The following PDGFD variants were observed in gnomAD, a reference collection of about 807,000 sequenced individuals.
The protein encoded by PDGFD is platelet derived growth factor D.
PDGFD carries 30 observed loss-of-function variants against 44.7 expected under a neutral mutation model. The observed-to-expected ratio is 0.67, with a 90% confidence interval of 0.50 to 0.91. The LOEUF is 0.91. PDGFD is among the 40% of genes least tolerant of loss of function. The pLI, the probability that PDGFD is intolerant of heterozygous loss-of-function variation, is 0.00. For missense variants in PDGFD, 445 were observed against 457.8 expected, an observed-to-expected ratio of 0.97 and a Z score of 0.25; for synonymous variants, 173 against 168.4, an observed-to-expected ratio of 1.03 and a Z score of -0.21.
intron 3 of PDGFD, among the ~76,000 whole-genome samples, chr11:103,966,724 T>C (rs1027946002): frequency 2.6e-5 from 4 of 152,224 alleles, no homozygotes; most frequent in Non-Finnish European, 4.4e-5. Flanking sequence ...GCCCAAAATC[T>C]ATTAAGTAGA....
At chr11:104,055,397 T>C (rs1860603778) in intron 1 of PDGFD, among the ~76,000 whole-genome samples, 1 of 152,184 alleles carries the variant, frequency 6.6e-6, no homozygotes, top group Non-Finnish European at 1.5e-5. Flanking sequence ...CTTAACTTCT[T>C]GGTAACTTTG....
rs541251804 is a variant in PDGFD, at chr11:104,162,643, C to T, written c.124+1161G>A. 2.0e-5 allele frequency among the ~76,000 whole-genome samples: 3 copies of T among 152,188 alleles called. No individual in the cohort carries two copies. The South Asian group carries it at 6.2e-4, about 32-fold the overall frequency. On this transcript the variant is annotated intron_variant, in intron 1 of 6. Transcript: ENST00000393158. ...CTGATATCCATAGTCTACTCATCAT[C>T]AGATAACATAATGAAATTTTGGTTT...
chr11:103,966,536 A>G (rs1361312676), intron 3 of PDGFD, among the ~76,000 whole-genome samples: 1 of 152,222 alleles, frequency 6.6e-6, no homozygotes, highest in African/African-American at 2.4e-5. Flanking sequence ...TCTGCTCTCA[A>G]GAGAGCGCTG....
chr11:104,164,002 C>CCCTGCGCTCTCGCCG lies in PDGFD; in HGVS notation c.-90_-76dup. 7.0e-7 allele frequency: 1 copy of CCCTGCGCTCTCGCCG among 1,435,544 alleles called. No homozygotes were observed. The highest frequency in any genetic ancestry group is 9.3e-7 in the Non-Finnish European group (1 of 1,078,228). The allele number at this position is 1,435,544 out of a possible 1,614,324, so 88.9% of individuals were successfully genotyped here. A position where few individuals can be genotyped will look rare whatever the true frequency, so the allele number is the denominator to read the frequency against. On this transcript the variant is annotated 5_prime_UTR_variant, in exon 1 of 7. Coordinates refer to ENST00000393158, the MANE Select transcript of PDGFD (RefSeq NM_025208.5). ...TGCTCCCGGGACCGACGCCGCGCCG[C>CCCTGCGCTCTCGCCG]CCTGCGCTCTCGCCGCCTGCGCTCG...
chr11:104,042,739 T>C (rs1012864373), intron 1 of PDGFD, among the ~76,000 whole-genome samples: 2 of 152,194 alleles, frequency 1.3e-5, no homozygotes, highest in Non-Finnish European at 2.9e-5. Flanking sequence ...CAAATAAGCA[T>C]ATTCCAGGTA....
intron 3 of PDGFD, among the ~76,000 whole-genome samples, chr11:103,954,479 G>A (rs1403526802): frequency 1.3e-5 from 2 of 152,196 alleles, no homozygotes; most frequent in African/African-American, 4.8e-5. Flanking sequence ...AGGTGATTAT[G>A]CTTTATTTGA....
chr11:104,064,769 C>T (rs895324190), intron 1 of PDGFD, among the ~76,000 whole-genome samples: 2 of 144,366 alleles, frequency 1.4e-5, no homozygotes, highest in African/African-American at 5.2e-5. Flanking sequence ...TTTTATATTG[C>T]ATATTCTGAT....
chr11:103,922,167 T>TG (rs1231626711), intron 6 of PDGFD, among the ~76,000 whole-genome samples: 1 of 152,158 alleles, frequency 6.6e-6, no homozygotes, highest in African/African-American at 2.4e-5. Flanking sequence ...GAAAAACAGT[T>TG]GAGTAATAAT....
In PDGFD at chr11:104,019,177, T is replaced by G. The variant is rs1173755398; in HGVS notation, c.125-18922A>C. Among the ~76,000 whole-genome samples, 11 of 152,350 alleles carry G rather than the reference T, an allele frequency of 7.2e-5. No homozygotes were observed. In the South Asian group the frequency reaches 2.3e-3, roughly 32 times the overall value. On this transcript the variant is annotated intron_variant, in intron 1 of 6. Coordinates refer to ENST00000393158, the MANE Select transcript of PDGFD (RefSeq NM_025208.5). ...CATATCTGGTTCTTCTAGCAAACAA[T>G]GAGCTTTGAAAGGCTAAGGATTATA...
intron 1 of PDGFD, among the ~76,000 whole-genome samples, chr11:104,083,518 A>T (rs1861076944): frequency 6.6e-6 from 1 of 152,188 alleles, no homozygotes; most frequent in Non-Finnish European, 1.5e-5. Context: ...AGATTTCTTC[A>T]CAACACAAAA....
At chr11:104,031,773 G>A (rs577077692) in intron 1 of PDGFD, among the ~76,000 whole-genome samples, 3 of 152,134 alleles carry the variant, frequency 2.0e-5, no homozygotes, top group Non-Finnish European at 4.4e-5. Flanking sequence ...ACTGGATAAA[G>A]GAAATGTGGT....
intron 1 of PDGFD, among the ~76,000 whole-genome samples, chr11:104,125,377 G>C (rs1376537250): frequency 6.6e-6 from 1 of 151,816 alleles, no homozygotes; most frequent in African/African-American, 2.4e-5. Flanking sequence ...TACATATAAA[G>C]GGCTTCAAAT....
chr11:103,914,846 C>T (rs1162005627), intron 6 of PDGFD, among the ~76,000 whole-genome samples: 1 of 152,184 alleles, frequency 6.6e-6, no homozygotes, highest in African/African-American at 2.4e-5. Flanking sequence ...ATGACAAAAA[C>T]CACATGATTA....
chr11:103,964,778 C>T (rs1030869799), intron 3 of PDGFD, among the ~76,000 whole-genome samples: 14 of 152,050 alleles, frequency 9.2e-5, no homozygotes, highest in Middle Eastern at 6.8e-3. Flanking sequence ...TACTACTGGT[C>T]CAGGTAGGAG....
chr11:104,018,994 T>C (rs1020612486), intron 1 of PDGFD, among the ~76,000 whole-genome samples: 7 of 152,146 alleles, frequency 4.6e-5, no homozygotes, highest in Admixed American at 1.3e-4. Flanking sequence ...GGGACCTCCT[T>C]AGAATGCAGA....
intron 1 of PDGFD, among the ~76,000 whole-genome samples, chr11:104,103,891 A>AT (rs895345990): frequency 6.6e-6 from 1 of 151,770 alleles, no homozygotes; most frequent in Non-Finnish European, 1.5e-5. Flanking sequence ...TTCTACTTAT[A>AT]TTTTTTTTAA....
At chr11:103,948,604 T>C (rs1348082202) in intron 3 of PDGFD, among the ~76,000 whole-genome samples, 1 of 152,160 alleles carries the variant, frequency 6.6e-6, no homozygotes, top group Non-Finnish European at 1.5e-5. Flanking sequence ...TTAGCAAATA[T>C]TTTCCAGCCT....
chr11:103,951,923 G>T (rs941426322), intron 3 of PDGFD, among the ~76,000 whole-genome samples: 2 of 152,174 alleles, frequency 1.3e-5, no homozygotes, highest in Non-Finnish European at 2.9e-5. Context: ...TGGCAAAGAT[G>T]CTGTTTATTT....
At chr11:104,140,657 C>T (rs1262559430) in intron 1 of PDGFD, among the ~76,000 whole-genome samples, 1 of 152,078 alleles carries the variant, frequency 6.6e-6, no homozygotes, top group Non-Finnish European at 1.5e-5. Context: ...CCAAACTCTC[C>T]CCAAAGACCA....
Sources: allele counts gnomAD v4.1 joint callset (sites outside exome capture counted in the v4.1 genomes callset), GRCh38; gene constraint gnomAD v4.1.1; transcripts MANE v1.5; gene names NCBI Gene and HGNC (gene_info 2026-07-23, HGNC 2026-07-21).